The following ADCY8 variants were observed in gnomAD, a reference collection of about 807,000 sequenced individuals.
ADCY8 encodes the protein adenylate cyclase type 8.
In ADCY8, 51 loss-of-function variants were observed where a neutral mutation model predicts 119.7. That is an observed-to-expected ratio of 0.43 (90% confidence interval 0.34 to 0.54). The LOEUF is 0.54. Ranked by LOEUF, ADCY8 falls within the 20% of genes least tolerant of loss-of-function variation. ADCY8 has a pLI of 0.03. For synonymous variants in ADCY8, 665 were observed against 651.0 expected (o/e 1.02, Z -0.33); for missense variants, 1,383 against 1,598.8 (o/e 0.87, Z 2.30).
At chr8:130,969,415 TTCTC>T (rs1821858363) in intron 2 of ADCY8, among the ~76,000 whole-genome samples, 2 of 151,716 alleles carry the variant, frequency 1.3e-5, no homozygotes, top group South Asian at 4.2e-4. Context: ...CTCTTTCTTT[TTCTC>T]TCTATCTACA....
intron 17 of ADCY8, among the ~76,000 whole-genome samples, chr8:130,783,335 T>C (rs1226155693): frequency 6.6e-6 from 1 of 152,332 alleles, no homozygotes; most frequent in East Asian, 1.9e-4. Flanking sequence ...ACCACCAGCA[T>C]TGAGCTACCC....
At chr8:130,813,865 A>G (rs917655333) in intron 14 of ADCY8, among the ~76,000 whole-genome samples, 5 of 152,190 alleles carry the variant, frequency 3.3e-5, no homozygotes, top group East Asian at 1.9e-4. Flanking sequence ...TAGTCTTTCA[A>G]TGGAGACCTT....
intron 5 of ADCY8, among the ~76,000 whole-genome samples, chr8:130,920,398 C>T (rs1384422836): frequency 1.3e-5 from 2 of 152,170 alleles, no homozygotes; most frequent in African/African-American, 2.4e-5. Context: ...ATGGCTCCAC[C>T]GCATGTGGGG....
At chr8:130,937,662 C>G (rs1338579774) in intron 4 of ADCY8, among the ~76,000 whole-genome samples, 2 of 152,224 alleles carry the variant, frequency 1.3e-5, no homozygotes, top group Non-Finnish European at 2.9e-5. Context: ...TACTTCAACT[C>G]TATAAAGTTC....
At chr8:130,951,490 C>A (rs1019185583) in intron 3 of ADCY8, among the ~76,000 whole-genome samples, 24 of 152,154 alleles carry the variant, frequency 1.6e-4, no homozygotes, top group African/African-American at 5.8e-4. Flanking sequence ...CTGTTTTAAA[C>A]ACACTTATGA....
chr8:130,962,050 T>C (rs578068660), intron 2 of ADCY8, among the ~76,000 whole-genome samples: 2 of 152,340 alleles, frequency 1.3e-5, no homozygotes, highest in African/African-American at 2.4e-5. Flanking sequence ...GATGCTTTCA[T>C]GGGACACTTT....
At chr8:131,031,027 C>A (rs998904241) in intron 1 of ADCY8, among the ~76,000 whole-genome samples, 9 of 152,140 alleles carry the variant, frequency 5.9e-5, no homozygotes, top group African/African-American at 2.2e-4. Context: ...TTTCAACTGA[C>A]CTTGAAGAAA....
At chr8:130,863,990 A>C (rs1661723090) in intron 9 of ADCY8, among the ~76,000 whole-genome samples, 1 of 152,100 alleles carries the variant, frequency 6.6e-6, no homozygotes, top group Non-Finnish European at 1.5e-5. Flanking sequence ...GAAATTTTTC[A>C]CATTTCTTGC....
intron 2 of ADCY8, among the ~76,000 whole-genome samples, chr8:130,982,735 A>G (rs1822276461): frequency 6.6e-6 from 1 of 152,368 alleles, no homozygotes; most frequent in East Asian, 1.9e-4. Context: ...TTCATTGTTA[A>G]TTGTATATTC....
In ADCY8 at chr8:130,995,766, C is replaced by T. The variant is rs145586864; in HGVS notation, c.961-5224G>A. Reference sequence around the variant, plus strand: ...GATCACTATATCAAAGTAGGATTTCCCTGCTATACTTTATTCCTGCACCCT... The same window carrying T: ...GATCACTATATCAAAGTAGGATTTCTCTGCTATACTTTATTCCTGCACCCT... On this transcript the variant is annotated intron_variant, in intron 1 of 17. Coordinates refer to ENST00000286355, the MANE Select transcript of ADCY8 (RefSeq NM_001115.3). Among the ~76,000 whole-genome samples the T allele has an allele frequency of 2.0e-3, 302 of 152,124 alleles. 1 individual carries two copies. Among genetic ancestry groups the T allele is most frequent in the African/African-American group, 6.8e-3 (283 of 41,512 alleles).
At chr8:131,002,995 G>A (rs548010570) in intron 1 of ADCY8, among the ~76,000 whole-genome samples, 1 of 152,310 alleles carries the variant, frequency 6.6e-6, no homozygotes, top group African/African-American at 2.4e-5. Flanking sequence ...GAGGTCAGGA[G>A]TTCAAGACCA....
At chr8:130,964,400 G>C (rs1396386990) in intron 2 of ADCY8, among the ~76,000 whole-genome samples, 1 of 151,200 alleles carries the variant, frequency 6.6e-6, no homozygotes, top group Non-Finnish European at 1.5e-5. Context: ...CTCAAACCCA[G>C]CTATGTTAGT....
intron 15 of ADCY8, among the ~76,000 whole-genome samples, chr8:130,792,222 T>C (rs1446232553): frequency 6.6e-6 from 1 of 152,194 alleles, no homozygotes; most frequent in Non-Finnish European, 1.5e-5. Flanking sequence ...CTTCAGATTT[T>C]ACTTCCACTT....
intron 9 of ADCY8, among the ~76,000 whole-genome samples, chr8:130,865,353 T>G (rs1167780449): frequency 6.6e-6 from 1 of 152,008 alleles, no homozygotes; most frequent in Non-Finnish European, 1.5e-5. Flanking sequence ...TTTAAAATTT[T>G]TATTTATTTC....
At chr8:130,852,940 T>A (rs1484273231) in intron 9 of ADCY8, among the ~76,000 whole-genome samples, 2 of 152,168 alleles carry the variant, frequency 1.3e-5, no homozygotes, top group Admixed American at 1.3e-4. Flanking sequence ...AAGTATTCAT[T>A]GACTTATGCT....
intron 14 of ADCY8, among the ~76,000 whole-genome samples, chr8:130,801,738 C>A (rs1815783655): frequency 6.6e-6 from 1 of 152,098 alleles, no homozygotes. Context: ...GTCTAGCCTG[C>A]AGTCAAAGTG....
At chr8:130,788,707 A>G (rs1198735282) in intron 15 of ADCY8, among the ~76,000 whole-genome samples, 1 of 152,198 alleles carries the variant, frequency 6.6e-6, no homozygotes, top group Non-Finnish European at 1.5e-5. Flanking sequence ...ATCATTACAT[A>G]TTATATACAT....
intron 15 of ADCY8, among the ~76,000 whole-genome samples, chr8:130,788,416 A>G (rs1815324840): frequency 6.6e-6 from 1 of 152,168 alleles, no homozygotes; most frequent in Non-Finnish European, 1.5e-5. Context: ...ATAATCTCAC[A>G]CATATGTGGA....
intron 12 of ADCY8, among the ~76,000 whole-genome samples, chr8:130,827,061 TA>T (rs1056074125): frequency 5.9e-5 from 9 of 152,080 alleles, no homozygotes; most frequent in Middle Eastern, 3.4e-3. Context: ...ACTTAAAGTA[TA>T]AAAAAAAGAT....
Sources: allele counts gnomAD v4.1 joint callset (sites outside exome capture counted in the v4.1 genomes callset), GRCh38; gene constraint gnomAD v4.1.1; transcripts MANE v1.5; gene names NCBI Gene and HGNC (gene_info 2026-07-23, HGNC 2026-07-21).